The following P3H3 variants were observed in gnomAD, a reference collection of about 807,000 sequenced individuals.
The protein encoded by P3H3 is gene rich cluster, B.
Under a neutral mutation model 78.1 loss-of-function variants are expected in P3H3, and 64 were observed. The observed-to-expected ratio is 0.82, with a 90% CI of 0.67 to 1.01. The LOEUF (loss-of-function observed/expected upper bound fraction) is 1.01, where lower values mean the gene tolerates loss of function less well. Among genes scored for constraint, P3H3 ranks in the 50% least tolerant of loss-of-function variants. The pLI is 0.00. For missense variants in P3H3, 975 were observed against 982.2 expected (o/e 0.99, Z 0.10); for synonymous variants, 425 against 416.7 (o/e 1.02, Z -0.24).
At chr12:6,835,516 G>A (rs972827397) in intron 9 of P3H3, among the ~76,000 whole-genome samples, 11 of 151,894 alleles carry the variant, frequency 7.2e-5, no homozygotes, top group African/African-American at 2.4e-4. Context: ...CCCAGGAGGC[G>A]GAGGTCGCAG....
In P3H3 at chr12:6,831,348, G is replaced by A. The variant is rs782762812; in HGVS notation, c.1118G>A (p.Arg373Lys). 6.2e-7 allele frequency: 1 copy of A among 1,613,750 alleles called. No homozygotes were observed. Among genetic ancestry groups the A allele is most frequent in the South Asian group, 1.1e-5 (1 of 91,064 alleles). The change falls in exon 5 of 15, where the codon AGA becomes AAA. Residue 373 changes from arginine (R) to lysine (K), a missense_variant. By Grantham distance (26) the Arg-to-Lys change is conservative. Coordinates refer to ENST00000290510, the MANE Select transcript of P3H3 (RefSeq NM_014262.5). The surrounding 1 kb of genome is among the most constrained non-coding windows in gnomAD (Gnocchi z 4.6). ...GAGCCGAGACCTGGCCTCGGACCCA[G>A]AGAGGTAATCCCCTCTCCACGCTCA... ...LGEPRPGLGP[R>K]EDIQRFILRS...
At position 6,833,794 on chromosome 12, in the gene P3H3, T is replaced by C. The variant is rs782694625; in HGVS notation, c.1318T>C (p.Leu440=). The C allele has an allele frequency of 6.2e-7, 1 of 1,612,108 alleles. No individual in the cohort carries two copies. The highest frequency in any genetic ancestry group is 1.7e-5 in the Admixed American group (1 of 60,012). ...WDHEPVKPKP[L]TYWKDVLLLE... ...CCATGAGCCCGTGAAGCCAAAGCCC[T>C]TGACCTACTGGAAGGGTGAGTTCCT... Residue 440 remains leucine, a synonymous_variant, in exon 8 of 15, where the codon TTG becomes CTG. Coordinates refer to ENST00000290510, the MANE Select transcript of P3H3 (RefSeq NM_014262.5).
chr12:6,837,837 A>C lies in P3H3; in HGVS notation c.1817A>C (p.Tyr606Ser), dbSNP rs782038293. 4 of 1,610,722 alleles carry C rather than the reference A, an allele frequency of 2.5e-6. No homozygotes were observed. In the South Asian group the frequency reaches 3.3e-5, roughly 13 times the overall value. ...ECWREPPAYTYRDYSGLLYLN... is the reference protein window; with the variant it reads ...ECWREPPAYTSRDYSGLLYLN... Reference sequence around the variant, plus strand: ...TGGCGGGAGCCCCCAGCCTACACCTATCGGGACTACAGGTGGGCAGCCCCT... The same window carrying C: ...TGGCGGGAGCCCCCAGCCTACACCTCTCGGGACTACAGGTGGGCAGCCCCT... The change falls in exon 12 of 15, where the codon TAT (tyrosine) becomes TCT (serine). Residue 606 changes from tyrosine (Y) to serine (S), a missense_variant. Physicochemically the swap from Tyr to Ser is moderately radical, Grantham distance 144. Coordinates refer to ENST00000290510, the MANE Select transcript of P3H3 (RefSeq NM_014262.5).
chr12:6,832,075 G>A (rs1242893158), intron 6 of P3H3, among the ~76,000 whole-genome samples, 161 bp downstream of exon 6: 3 of 152,274 alleles, frequency 2.0e-5, no homozygotes, highest in Non-Finnish European at 2.9e-5. Flanking sequence ...TAGTTAGGGC[G>A]GCTTTGGGGT....
At chr12:6,836,571 C>T (rs782324408) in intron 9 of P3H3, among the ~76,000 whole-genome samples, 64 of 152,260 alleles carry the variant, frequency 4.2e-4, no homozygotes, top group African/African-American at 1.5e-3. Context: ...GCCAGTCTGG[C>T]CTAACTGTGG....
chr12:6,838,915 CT>C, intron 13 of P3H3, 84 bp from the exon 14 acceptor site: 3 of 1,234,192 alleles, frequency 2.4e-6, no homozygotes, highest in Non-Finnish European at 3.3e-6. Flanking sequence ...CTCTGTGCCC[CT>C]GTCCCCATCC....
Position 6,831,700 on chromosome 12 carries a change from G to A in P3H3, c.1123-125G>A, listed in dbSNP as rs1943452170. On this transcript the variant is annotated intron_variant, in intron 5 of 14. Coordinates refer to ENST00000290510, the MANE Select transcript of P3H3 (RefSeq NM_014262.5). The surrounding 1 kb of genome is among the most constrained non-coding windows in gnomAD (Gnocchi z 4.6). ...TCTGAAGCTGCTGAGGGGGAACGTT[G>A]AACAGAGGAACCGGGGGGCATGGTG... 1.4e-6 allele frequency: 1 copy of A among 724,702 alleles called. No homozygotes were observed. Among genetic ancestry groups the A allele is most frequent in the Non-Finnish European group, 2.5e-6 (1 of 408,146 alleles). 44.9% of individuals were successfully genotyped at this position (724,702 alleles called of 1,614,324 possible). A position where few individuals can be genotyped will look rare whatever the true frequency, so the allele number is the denominator to read the frequency against.
Position 6,837,532 on chromosome 12 carries a change from A to C in P3H3, c.1670A>C (p.His557Pro). Residue 557 changes from histidine to proline, a missense_variant, in exon 11 of 15, where the codon CAT becomes CCT. Transcript: ENST00000290510. ...TACTTCTCCCCGGAACGGCCCCTGC[A>C]TCTGTCCTTCACCCACCTGGTGTGC... Reference protein sequence around the residue: ...QAYFSPERPLHLSFTHLVCRS... With the variant: ...QAYFSPERPLPLSFTHLVCRS... The C allele has an allele frequency of 6.2e-7, 1 of 1,612,488 alleles. No individual in the cohort carries two copies. The highest frequency in any genetic ancestry group is 1.1e-5 in the South Asian group (1 of 90,770).
chr12:6,833,508 A>C (rs4963513), intron 6 of P3H3, 84 bp from the exon 7 acceptor site: 855,612 of 1,360,642 alleles, frequency 0.63, 277,335 homozygotes, highest in East Asian at 0.97. Flanking sequence ...AACAGAAGAA[A>C]CTTAATGAGA....
At chr12:6,832,814 C>G (rs1308581330) in intron 6 of P3H3, among the ~76,000 whole-genome samples, 2 of 149,062 alleles carry the variant, frequency 1.3e-5, no homozygotes, top group Non-Finnish European at 3.0e-5. Context: ...GTTGGCCAGG[C>G]TGGTCTTGAA....
rs1002947990 is a variant in P3H3, at chr12:6,834,103, C to G, written c.1458+54C>G. On this transcript the variant is annotated intron_variant, in intron 9 of 14. Coordinates refer to ENST00000290510, the MANE Select transcript of P3H3 (RefSeq NM_014262.5). Reference sequence around the variant, plus strand: ...GTTCAAGACTCTTGGATACAATCACCTGTTCCCTTGCTCTTGGCCTGCCCC... The same window carrying G: ...GTTCAAGACTCTTGGATACAATCACGTGTTCCCTTGCTCTTGGCCTGCCCC... 70 of 1,606,300 alleles carry G rather than the reference C, an allele frequency of 4.4e-5. No homozygotes were observed. In the African/African-American group the frequency reaches 7.5e-4, roughly 17 times the overall value.
rs1389044570 is a variant in P3H3 at position 6,829,821 on chromosome 12, C to G, written c.499-38C>G. The stretch of plus-strand genomic sequence containing the variant: ...CAGGGGGCAGAGGTCTGCCCCCCGT[C>G]CCAGGGCTCTGATGCCCTCCTCCCT... On this transcript the variant is annotated intron_variant, in intron 1 of 14. Coordinates refer to ENST00000290510, the MANE Select transcript of P3H3 (RefSeq NM_014262.5). This position sits in a 1 kb window ranked among gnomAD's most constrained non-coding sequence, Gnocchi z 5.1. 6.2e-7 allele frequency: 1 copy of G among 1,612,808 alleles called. No individual in the cohort carries two copies. The highest frequency in any genetic ancestry group is 8.5e-7 in the Non-Finnish European group (1 of 1,179,442).
chr12:6,837,121 C>T lies in P3H3; in HGVS notation c.1560+35C>T, dbSNP rs1288816835. The T allele has an allele frequency of 5.2e-6, 8 of 1,540,896 alleles. No individual in the cohort carries two copies. The African/African-American group carries it at 1.1e-4, about 21-fold the overall frequency. On this transcript the variant is annotated intron_variant, in intron 10 of 14. Coordinates refer to ENST00000290510, the MANE Select transcript of P3H3 (RefSeq NM_014262.5). ...GGAGGCACCCGGGCCCGTCTGATGC[C>T]CAGACCTGGAGGAGAGGCTGTGCAG...
chr12:6,834,000 A>T lies in P3H3; in HGVS notation c.1409A>T (p.Asp470Val). The change falls in exon 9 of 15, where the codon GAT (aspartate) becomes GTT (valine). Residue 470 changes from aspartate (D) to valine (V), a missense_variant. Coordinates refer to ENST00000290510, the MANE Select transcript of P3H3 (RefSeq NM_014262.5). ...QLNGSERAVL[D>V]GLLTPAECGV... ...AATGGGTCGGAGCGGGCGGTGTTGG[A>T]TGGGCTGCTCACCCCAGCCGAGTGT... 6.2e-7 allele frequency: 1 copy of T among 1,613,712 alleles called. No individual in the cohort carries two copies. The highest frequency in any genetic ancestry group is 1.7e-4 in the Middle Eastern group (1 of 6,056).
chr12:6,836,215 C>G (rs1943494184), intron 9 of P3H3, among the ~76,000 whole-genome samples: 1 of 138,704 alleles, frequency 7.2e-6, no homozygotes, highest in Non-Finnish European at 1.5e-5. Context: ...GAGCAAGACC[C>G]CGTCTCAAAA....
Position 6,837,754 on chromosome 12 carries a change from C to T in P3H3, c.1734C>T (p.Asp578=), listed in dbSNP as rs1231278262. ...TAGGAGAGCAAGAGCAGCGCATGGA[C>T]CTGAGTCACCCAGTGCACGCAGACA... ...AIEGEQEQRM[D]LSHPVHADNC... is the part of the protein sequence containing the mutation. Residue 578 remains aspartate, a synonymous_variant, in exon 12 of 15, where the codon GAC becomes GAT. Coordinates refer to ENST00000290510, the MANE Select transcript of P3H3 (RefSeq NM_014262.5). 21 of 1,612,812 alleles carry T rather than the reference C, an allele frequency of 1.3e-5. No individual in the cohort carries two copies. The highest frequency in any genetic ancestry group is 1.8e-5 in the Non-Finnish European group (21 of 1,179,480).
intron 9 of P3H3, 112 bp downstream of exon 9, chr12:6,834,161 G>C: frequency 6.6e-7 from 1 of 1,511,500 alleles, no homozygotes; most frequent in South Asian, 1.2e-5. Flanking sequence ...ATCCAACCGG[G>C]ACTGTGCTTA....
chr12:6,837,536 G>A lies in P3H3; in HGVS notation c.1674G>A (p.Leu558=). ...TCTCCCCGGAACGGCCCCTGCATCTGTCCTTCACCCACCTGGTGTGCCGCA... is the reference window on the plus strand; with the variant it reads ...TCTCCCCGGAACGGCCCCTGCATCTATCCTTCACCCACCTGGTGTGCCGCA... ...AYFSPERPLH[L]SFTHLVCRSA... is the part of the protein sequence containing the mutation. The change falls in exon 11 of 15, where the codon CTG becomes CTA. Residue 558 remains leucine (L), a synonymous_variant. Coordinates refer to ENST00000290510, the MANE Select transcript of P3H3 (RefSeq NM_014262.5). 1 of 1,612,550 alleles carries A rather than the reference G, an allele frequency of 6.2e-7. No homozygotes were observed. Among genetic ancestry groups the A allele is most frequent in the South Asian group, 1.1e-5 (1 of 90,784 alleles).
At position 6,838,984 on chromosome 12, in the gene P3H3, G is replaced by A; in HGVS notation, c.1906-16G>A. The stretch of plus-strand genomic sequence containing the variant: ...AGAGCCAATCCCTGGAGCTGAACCT[G>A]CCCTCATCCCTCCAGGCTCGGGTGC... On this transcript the variant is annotated splice_polypyrimidine_tract_variant and intron_variant, in intron 13 of 14. Transcript: ENST00000290510. 6.4e-7 allele frequency: 1 copy of A among 1,567,320 alleles called. No individual in the cohort carries two copies. The highest frequency in any genetic ancestry group is 8.6e-7 in the Non-Finnish European group (1 of 1,156,720).
Sources: gnomAD v4.1 joint callset for allele counts (sites outside exome capture counted in the v4.1 genomes callset) on GRCh38, gnomAD v4.1.1 for gene constraint, Gnocchi (gnomAD v3.1) non-coding constraint, MANE v1.5 for transcripts, NCBI Gene and HGNC (gene_info 2026-07-23, HGNC 2026-07-21) for gene names.